Variants in ZBTB20 observed in about 807,000 individuals in gnomAD.
The protein encoded by ZBTB20 is zinc finger and BTB domain containing 20, also known as zinc finger and BTB domain-containing protein 20.
ZBTB20 carries 9 observed loss-of-function variants against 56.9 expected under a neutral mutation model. That is an observed-to-expected ratio of 0.16 (90% CI 0.10 to 0.28). The LOEUF is 0.28. ZBTB20 is among the 10% of genes least tolerant of loss of function. The pLI is 1.00. For missense variants in ZBTB20, 655 were observed against 1,003.0 expected, an observed-to-expected ratio of 0.65 and a Z score of 4.69; for synonymous variants, 417 against 420.7, an observed-to-expected ratio of 0.99 and a Z score of 0.11.
At chr3:114,701,000 T>C (rs2063357177) in intron 5 of ZBTB20, among the ~76,000 whole-genome samples, 1 of 152,062 alleles carries the variant, frequency 6.6e-6, no homozygotes, top group Non-Finnish European at 1.5e-5. Context: ...TCAATGAGAG[T>C]TGTATTCTGA....
intron 3 of ZBTB20, among the ~76,000 whole-genome samples, chr3:114,947,839 T>C (rs960704423): frequency 6.9e-6 from 1 of 145,612 alleles, no homozygotes; most frequent in Non-Finnish European, 1.5e-5. Context: ...CCACAAAACT[T>C]TCTGACTCAA....
chr3:114,354,013 C>T (rs2080958709), intron 10 of ZBTB20, among the ~76,000 whole-genome samples: 1 of 152,314 alleles, frequency 6.6e-6, no homozygotes, highest in Admixed American at 6.5e-5. Context: ...GGATCCACGG[C>T]TCTGTTGTAA....
chr3:114,316,726 A>G lies in ZBTB20; in HGVS notation c.*22279T>C. On this transcript the variant is annotated 3_prime_UTR_variant, in exon 12 of 12. Coordinates refer to ENST00000675478, the MANE Select transcript of ZBTB20 (RefSeq NM_001348800.3). ...ACTGTAATCCACTGATTCCTTGGAA[A>G]ACATTTTTGATGAGAAAAATCTGAC... The G allele has an allele frequency of 2.7e-6, 1 of 371,512 alleles. No homozygotes were observed. The highest frequency in any genetic ancestry group is 5.5e-6 in the Non-Finnish European group (1 of 182,584). 23.0% of individuals were successfully genotyped at this position (371,512 alleles called of 1,614,324 possible).
chr3:114,787,368 T>TATATACATAC (rs1433434685), intron 5 of ZBTB20, among the ~76,000 whole-genome samples: 26 of 106,312 alleles, frequency 2.4e-4, no homozygotes, highest in African/African-American at 1.1e-3. Context: ...TATATATATA[T>TATATACATAC]ACACACACAC....
chr3:114,948,020 C>T (rs2076941801), intron 3 of ZBTB20, among the ~76,000 whole-genome samples: 1 of 145,478 alleles, frequency 6.9e-6, no homozygotes. Context: ...GGTAAAATTA[C>T]AAGCTAATCT....
rs2052841908 is a variant in ZBTB20, at chr3:114,567,022, G to A, written c.-294-66631C>T. On this transcript the variant is annotated intron_variant, in intron 6 of 11. Coordinates refer to ENST00000675478, the MANE Select transcript of ZBTB20 (RefSeq NM_001348800.3). ...TTATGTCTGTGCTTTTGCCTGGTGT[G>A]ATGGTTGCATAGGGGTGTCATGTGT... Among the ~76,000 whole-genome samples the A allele has an allele frequency of 2.6e-5, 4 of 152,300 alleles. No homozygotes were observed. The South Asian group carries it at 8.3e-4, about 32-fold the overall frequency.
In ZBTB20 at chr3:114,457,931, AC is replaced by A. The variant is rs1180512484; in HGVS notation, c.-255+42420del. Among the ~76,000 whole-genome samples, 5 of 152,338 alleles carry A rather than the reference AC, an allele frequency of 3.3e-5. No homozygotes were observed. The South Asian group carries it at 6.2e-4, about 19-fold the overall frequency. The stretch of plus-strand genomic sequence containing the variant: ...TTGAATGAATAAGCAAATAAAAAAA[AC>A]ACTAGAATTTTTATTTCATTGGAGA... On this transcript the variant is annotated intron_variant, in intron 7 of 11. Transcript: ENST00000675478.
intron 3 of ZBTB20, among the ~76,000 whole-genome samples, chr3:114,921,049 G>C (rs758506344): frequency 6.6e-6 from 1 of 151,992 alleles, no homozygotes; most frequent in African/African-American, 2.4e-5. Flanking sequence ...AATAAAATTC[G>C]GAACAGATTA....
At chr3:114,593,572 C>T (rs949820865) in intron 6 of ZBTB20, among the ~76,000 whole-genome samples, 1 of 151,868 alleles carries the variant, frequency 6.6e-6, no homozygotes, top group Non-Finnish European at 1.5e-5. Context: ...TTAGTAGAGA[C>T]AGGGTTTGTC....
chr3:114,465,017 A>G (rs1272825512), intron 7 of ZBTB20, among the ~76,000 whole-genome samples: 1 of 151,932 alleles, frequency 6.6e-6, no homozygotes, highest in Non-Finnish European at 1.5e-5. Context: ...CTCCCTTCAA[A>G]TAGAACTAAG....
chr3:114,435,798 C>T (rs533281934), intron 7 of ZBTB20, among the ~76,000 whole-genome samples: 1 of 152,246 alleles, frequency 6.6e-6, no homozygotes, highest in South Asian at 2.1e-4. Flanking sequence ...ATGCTAGCTC[C>T]TATGTTAGCT....
chr3:114,990,389 A>G (rs1053209210), intron 2 of ZBTB20, among the ~76,000 whole-genome samples: 39 of 152,126 alleles, frequency 2.6e-4, no homozygotes, highest in Non-Finnish European at 5.6e-4. Flanking sequence ...GGTTCTGTTT[A>G]TATGCTGGAT....
intron 1 of ZBTB20, among the ~76,000 whole-genome samples, chr3:115,128,077 A>G (rs1295970591): frequency 6.6e-6 from 1 of 152,206 alleles, no homozygotes; most frequent in East Asian, 1.9e-4. Flanking sequence ...AAATTAAGAG[A>G]TGACTGGCAA....
intron 6 of ZBTB20, among the ~76,000 whole-genome samples, chr3:114,639,830 G>C (rs529494121): frequency 1.3e-5 from 2 of 152,016 alleles, no homozygotes; most frequent in South Asian, 4.1e-4. Context: ...GCATTTCATA[G>C]GCAGAATTGG....
At chr3:114,379,395 G>A (rs2084041383) in intron 10 of ZBTB20, among the ~76,000 whole-genome samples, 1 of 152,042 alleles carries the variant, frequency 6.6e-6, no homozygotes, top group Non-Finnish European at 1.5e-5. Context: ...CCTTTCCATT[G>A]TCAACACACA....
At chr3:114,963,813 A>C (rs1218163327) in intron 3 of ZBTB20, among the ~76,000 whole-genome samples, 1 of 152,090 alleles carries the variant, frequency 6.6e-6, no homozygotes, top group Non-Finnish European at 1.5e-5. Flanking sequence ...TATAAGACAA[A>C]ACTTTTGTTT....
intron 2 of ZBTB20, among the ~76,000 whole-genome samples, chr3:115,060,924 A>C (rs751736915): frequency 9.2e-5 from 14 of 152,056 alleles, no homozygotes; most frequent in Non-Finnish European, 1.8e-4. Context: ...TGCAGGAGAT[A>C]AAGTTAACTC....
In ZBTB20 at chr3:114,380,935, C is replaced by A. The variant is rs868429846; in HGVS notation, c.-148G>T. 1.9e-6 allele frequency: 1 copy of A among 533,770 alleles called. No homozygotes were observed. The highest frequency in any genetic ancestry group is 2.9e-4 in the Middle Eastern group (1 of 3,492). The allele number at this position is 533,770 out of a possible 1,614,324, so 33.1% of individuals were successfully genotyped here. On this transcript the variant is annotated 5_prime_UTR_variant, in exon 9 of 12. Transcript: ENST00000675478. The stretch of plus-strand genomic sequence containing the variant: ...ACTTCACCTCTCTGGGCTTCAGTTT[C>A]CTCATCTGTAAAATAAAGGGCTTGG...
chr3:114,679,605 A>G (rs1350327522), intron 6 of ZBTB20, among the ~76,000 whole-genome samples: 1 of 152,222 alleles, frequency 6.6e-6, no homozygotes, highest in Non-Finnish European at 1.5e-5. Context: ...CGCCAGTTAG[A>G]ATGGCAATCA....
Sources: allele counts gnomAD v4.1 joint callset (sites outside exome capture counted in the v4.1 genomes callset), GRCh38; gene constraint gnomAD v4.1.1; transcripts MANE v1.5; gene names NCBI Gene and HGNC (gene_info 2026-07-23, HGNC 2026-07-21).